NUP188: variants seen among roughly 807,000 people sequenced by gnomAD.
The protein encoded by NUP188 is nucleoporin 188.
NUP188 carries 97 observed loss-of-function variants against 223.0 expected under a neutral mutation model. That is an observed-to-expected ratio of 0.43 (90% CI 0.37 to 0.51). The LOEUF (loss-of-function observed/expected upper bound fraction) is 0.51. Ranked by LOEUF, NUP188 falls within the 20% of genes least tolerant of loss-of-function variation. The pLI, the probability that NUP188 is intolerant of heterozygous loss-of-function variation, is 0.00. For missense variants in NUP188, 1,947 were observed against 2,175.6 expected, an observed-to-expected ratio of 0.89 and a Z score of 2.09; for synonymous variants, 869 against 828.0, an observed-to-expected ratio of 1.05 and a Z score of -0.85.
At chr9:128,998,924 T>A (rs1337201034) in intron 32 of NUP188, among the ~76,000 whole-genome samples, 1 of 150,242 alleles carries the variant, frequency 6.7e-6, no homozygotes, top group African/African-American at 2.4e-5. Context: ...TGGCGCGATC[T>A]CGGCTCACTG....
intron 3 of NUP188, among the ~76,000 whole-genome samples, chr9:128,954,684 A>G (rs1310312889): frequency 6.6e-6 from 1 of 151,742 alleles, no homozygotes; most frequent in Non-Finnish European, 1.5e-5. Flanking sequence ...GCGGCCGGTG[A>G]CAATGTCGAC....
At chr9:128,986,350 T>G (rs1054124531) in intron 20 of NUP188, among the ~76,000 whole-genome samples, 1 of 152,216 alleles carries the variant, frequency 6.6e-6, no homozygotes, top group African/African-American at 2.4e-5. Flanking sequence ...TGTGACATTC[T>G]CTTTCATCAC....
intron 8 of NUP188, among the ~76,000 whole-genome samples, chr9:128,964,856 G>A (rs143852361): frequency 0.014 from 2,092 of 152,018 alleles, 24 homozygotes; most frequent in Non-Finnish European, 0.022. Flanking sequence ...ACAGGCATGT[G>A]CCACCACGCC....
At chr9:128,984,123 G>GGTTTTTTTTTTTTTTTTTTTT in intron 19 of NUP188, among the ~76,000 whole-genome samples, 1 of 106,526 alleles carries the variant, frequency 9.4e-6, no homozygotes, top group African/African-American at 5.9e-5. Context: ...CGCCTGGCCT[G>GGTTTTTTTTTTTTTTTTTTTT]ATTTTTTTTT....
intron 37 of NUP188, 152 bp from the exon 38 acceptor site, chr9:129,003,165 C>A: frequency 8.8e-7 from 1 of 1,132,788 alleles, no homozygotes; most frequent in Non-Finnish European, 1.2e-6. Flanking sequence ...GGAACGGTCT[C>A]GGGTCAGAAT....
At chr9:128,997,835 C>T (rs1842555917) in intron 30 of NUP188, among the ~76,000 whole-genome samples, 1 of 152,134 alleles carries the variant, frequency 6.6e-6, no homozygotes, top group African/African-American at 2.4e-5. Flanking sequence ...ATTCTCCTGC[C>T]TCAGCCTCCC....
At chr9:128,982,485 TG>T in intron 15 of NUP188, 63 bp from the exon 16 acceptor site, 1 of 1,369,572 alleles carries the variant, frequency 7.3e-7, no homozygotes. Context: ...TATTGATGTC[TG>T]GTAGAGGAGT....
At position 128,999,686 on chromosome 9, in the gene NUP188, G is replaced by A. The variant is rs769203105; in HGVS notation, c.3724G>A (p.Val1242Met). 7 of 1,614,024 alleles carry A rather than the reference G, an allele frequency of 4.3e-6. No homozygotes were observed. Among genetic ancestry groups the A allele is most frequent in the Non-Finnish European group, 4.2e-6 (5 of 1,180,042 alleles). Residue 1242 changes from valine (V) to methionine (M), a missense_variant, in exon 34 of 44, where the codon GTG (valine) becomes ATG (methionine). Val to Met is a conservative substitution (Grantham distance 21). Around this residue, in one of 3 missense-constraint regions of NUP188, gnomAD observed 905 missense variants for 990.6 expected, o/e 0.91. Transcript: ENST00000372577. ...TGTCTGTGAGACCCTCCAAGAGGAA[G>A]TGATTGCACTCTTCGACCAGACCCG... ...LNVCETLQEE[V>M]IALFDQTRHS...
In NUP188 at chr9:128,999,745, C is replaced by G; in HGVS notation, c.3783C>G (p.Asp1261Glu). The G allele has an allele frequency of 6.2e-7, 1 of 1,614,220 alleles. No homozygotes were observed. The highest frequency in any genetic ancestry group is 8.5e-7 in the Non-Finnish European group (1 of 1,180,050). The change falls in exon 34 of 44, where the codon GAC (aspartate) becomes GAG (glutamate). Residue 1261 changes from aspartate (D) to glutamate (E), a missense_variant. Physicochemically the swap from Asp to Glu is conservative, Grantham distance 45 (BLOSUM62 2). This residue lies in a region of NUP188 where 905 missense variants were observed against 990.6 expected (regional missense o/e 0.91). Transcript: ENST00000372577. ...HSLALGSATE[D>E]KDSMETDDCS... Reference sequence around the variant, plus strand: ...TGGCATTAGGCAGTGCCACAGAGGACAAGGACAGCATGGAGACTGACGACT... The same window carrying G: ...TGGCATTAGGCAGTGCCACAGAGGAGAAGGACAGCATGGAGACTGACGACT...
chr9:128,987,088 A>AGT (rs376346210), intron 22 of NUP188, among the ~76,000 whole-genome samples: 1,886 of 113,282 alleles, frequency 0.017, 27 homozygotes, highest in East Asian at 0.041. Context: ...AGAGAGAGAG[A>AGT]GTGTGTGTGT....
intron 16 of NUP188, 59 bp from the exon 17 acceptor site, chr9:128,982,843 T>C (rs1487330050): frequency 1.6e-5 from 26 of 1,606,684 alleles, no homozygotes; most frequent in Non-Finnish European, 2.1e-5. Context: ...TCTCAGAGAC[T>C]GTTCAGTGAT....
intron 2 of NUP188, among the ~76,000 whole-genome samples, chr9:128,949,523 G>A (rs537168409): frequency 6.6e-6 from 1 of 151,984 alleles, no homozygotes; most frequent in Non-Finnish European, 1.5e-5. Flanking sequence ...GTAGAGATGG[G>A]GTTTTTCCAT....
At position 128,999,158 on chromosome 9, in the gene NUP188, A is replaced by G. The variant is rs2004632; in HGVS notation, c.3516-14A>G. On this transcript the variant is annotated splice_polypyrimidine_tract_variant and intron_variant, in intron 32 of 43. Transcript: ENST00000372577. ...ATGAGCCACCACGCCTGGCCCACCC[A>G]GTATTCTTTCTAGAGAGTTAGGTTC... 0.37 allele frequency: 598,620 copies of G among 1,611,260 alleles called. 116,379 individuals are homozygous for G. The highest frequency in any genetic ancestry group is 0.42 in the Admixed American group (25,166 of 59,948).
At chr9:128,998,512 C>G in intron 31 of NUP188, 26 bp from the exon 32 acceptor site, 1 of 1,602,684 alleles carries the variant, frequency 6.2e-7, no homozygotes, top group Non-Finnish European at 8.6e-7. Flanking sequence ...CCACTGACTT[C>G]TGACTGGTGT....
Position 128,982,981 on chromosome 9 carries a change from A to G in NUP188, c.1749A>G (p.Ala583=). 1 of 1,614,154 alleles carries G rather than the reference A, an allele frequency of 6.2e-7. No homozygotes were observed. The highest frequency in any genetic ancestry group is 2.2e-5 in the East Asian group (1 of 44,882). ...TCATCAGTACAGACCTGTCGATAGC[A>G]GACTGTCTCCTGCCCATCACATCTC... ...HKVISTDLSI[A]DCLLPITSRI... Residue 583 remains alanine (A), a synonymous_variant, in exon 17 of 44, where the codon GCA becomes GCG. Coordinates refer to ENST00000372577, the MANE Select transcript of NUP188 (RefSeq NM_015354.3).
chr9:128,982,644 A>T lies in NUP188; in HGVS notation c.1612A>T (p.Ser538Cys). Residue 538 changes from serine (S) to cysteine (C), a missense_variant, in exon 16 of 44, where the codon AGC becomes TGC. Physicochemically the swap from Ser to Cys is moderately radical, Grantham distance 112. Coordinates refer to ENST00000372577, the MANE Select transcript of NUP188 (RefSeq NM_015354.3). ...GGTACGCTGGGAATACTCCTATAGC[A>T]GCTGGACCCTCTTTACCTGCGAGAT... ...YLVRWEYSYS[S>C]WTLFTCEIEM... 6.2e-7 allele frequency: 1 copy of T among 1,614,140 alleles called. No individual in the cohort carries two copies.
intron 8 of NUP188, among the ~76,000 whole-genome samples, chr9:128,965,907 C>T (rs1842020379): frequency 1.3e-5 from 2 of 151,168 alleles, no homozygotes; most frequent in Admixed American, 1.3e-4. Flanking sequence ...AAATGATTCT[C>T]CTGCCTCAGC....
At chr9:128,991,963 A>C (rs1160358515) in intron 25 of NUP188, among the ~76,000 whole-genome samples, 62 of 128,452 alleles carry the variant, frequency 4.8e-4, no homozygotes, top group Non-Finnish European at 7.2e-4. Context: ...GCTGGAGTGC[A>C]GTGGCGCGAT....
chr9:128,978,493 G>A (rs1293137905), intron 12 of NUP188, among the ~76,000 whole-genome samples: 2 of 148,776 alleles, frequency 1.3e-5, no homozygotes, highest in Non-Finnish European at 3.0e-5. Context: ...AACCTGGGAG[G>A]CGGAGCTTGC....
Sources: gnomAD v4.1 joint callset for allele counts (sites outside exome capture counted in the v4.1 genomes callset) on GRCh38, gnomAD v4.1.1 for gene constraint, gnomAD v4.1.1 regional missense constraint, MANE v1.5 for transcripts, NCBI Gene and HGNC (gene_info 2026-07-23, HGNC 2026-07-21) for gene names.